The following MYSM1 variants were observed in gnomAD, a reference collection of about 807,000 sequenced individuals.
The protein encoded by MYSM1 is Myb like, SWIRM and MPN domains 1.
A neutral mutation model predicts 116.0 loss-of-function variants in MYSM1; 51 were observed. The observed-to-expected ratio is 0.44, with a 90% CI of 0.35 to 0.56. The LOEUF (loss-of-function observed/expected upper bound fraction) is 0.56, where lower values mean the gene tolerates loss of function less well. MYSM1 is among the 20% of genes least tolerant of loss of function. The pLI is 0.00. For synonymous variants in MYSM1, 313 were observed against 315.2 expected (o/e 0.99, Z 0.07); for missense variants, 900 against 974.9 (o/e 0.92, Z 1.02).
rs1371696880 is a variant in MYSM1 at position 58,661,208 on chromosome 1, T to C, written c.2290A>G (p.Ile764Val). 3 of 1,613,134 alleles carry C rather than the reference T, an allele frequency of 1.9e-6. No homozygotes were observed. Among genetic ancestry groups the C allele is most frequent in the Non-Finnish European group, 2.5e-6 (3 of 1,179,376 alleles). Residue 764 changes from isoleucine (I) to valine (V), a missense_variant, in exon 19 of 20, where the codon ATC becomes GTC. Transcript: ENST00000472487. The part of the protein sequence containing the change: ...LSHSSVPMDK[I>V]FRRDSDLTCL... Reference sequence around the variant, plus strand: ...GTCAGGTCAGAATCCCGGCGAAAGATTTTATCCATGGGGACGCTGCTGTAG... The same window carrying C: ...GTCAGGTCAGAATCCCGGCGAAAGACTTTATCCATGGGGACGCTGCTGTAG...
rs751465382 is a variant in MYSM1, at chr1:58,690,258, C to T, written c.297-9G>A. ...TTGCTGTTTTCTGCAGACTGCATCA[C>T]ATGAAAAAAGAAAATAAGGAAGCGT... On this transcript the variant is annotated splice_polypyrimidine_tract_variant and intron_variant, in intron 4 of 19. Transcript: ENST00000472487. 6.4e-7 allele frequency: 1 copy of T among 1,574,022 alleles called. No individual in the cohort carries two copies. Among genetic ancestry groups the T allele is most frequent in the Non-Finnish European group, 8.6e-7 (1 of 1,163,416 alleles).
chr1:58,672,383 C>A (rs1644576681), intron 11 of MYSM1, among the ~76,000 whole-genome samples: 2 of 152,046 alleles, frequency 1.3e-5, no homozygotes, highest in South Asian at 2.1e-4. Context: ...AGCTTGGTGA[C>A]CCTAGGCAAA....
intron 8 of MYSM1, among the ~76,000 whole-genome samples, chr1:58,680,583 T>C (rs989965414): frequency 2.0e-5 from 3 of 152,156 alleles, no homozygotes; most frequent in African/African-American, 7.2e-5. Flanking sequence ...CAAAGACTTA[T>C]ATTGTGTGGG....
intron 9 of MYSM1, among the ~76,000 whole-genome samples, chr1:58,676,349 G>C (rs543800463): frequency 4.0e-5 from 6 of 150,832 alleles, no homozygotes; most frequent in African/African-American, 1.2e-4. Flanking sequence ...CCGGGAGGCG[G>C]AAGTTGCAGT....
At chr1:58,678,891 G>A (rs1372607560) in intron 8 of MYSM1, among the ~76,000 whole-genome samples, 1 of 152,168 alleles carries the variant, frequency 6.6e-6, no homozygotes, top group Admixed American at 6.5e-5. Context: ...CAAGACTGCA[G>A]ACTCCAATAT....
At chr1:58,693,449 A>G (rs1644929899) in intron 2 of MYSM1, among the ~76,000 whole-genome samples, 1 of 152,196 alleles carries the variant, frequency 6.6e-6, no homozygotes, top group African/African-American at 2.4e-5. Context: ...GGCTTCTAGA[A>G]CTTAACATAT....
intron 3 of MYSM1, among the ~76,000 whole-genome samples, chr1:58,691,023 T>G (rs916279505): frequency 6.6e-6 from 1 of 152,192 alleles, no homozygotes; most frequent in Non-Finnish European, 1.5e-5. Context: ...CTCACACCTG[T>G]AATCCCAGCA....
At chr1:58,661,633 A>G (rs1377955674) in intron 17 of MYSM1, 122 bp from the exon 18 acceptor site, 4 of 583,472 alleles carry the variant, frequency 6.9e-6, no homozygotes, top group East Asian at 5.6e-5. Flanking sequence ...TCAGCTGAAC[A>G]GCACTTTAAA....
intron 8 of MYSM1, among the ~76,000 whole-genome samples, chr1:58,677,535 G>C (rs1375309411): frequency 6.6e-6 from 1 of 151,922 alleles, no homozygotes; most frequent in Non-Finnish European, 1.5e-5. Flanking sequence ...TTTTAATTAT[G>C]ATGACAACAA....
In MYSM1 at chr1:58,655,116, C is replaced by T. The variant is rs1369342836; in HGVS notation, c.*4881G>A. The T allele has an allele frequency of 6.6e-6, 1 of 152,178 alleles. No homozygotes were observed. Among genetic ancestry groups the T allele is most frequent in the Non-Finnish European group, 1.5e-5 (1 of 68,000 alleles). The allele number at this position is 152,178 out of a possible 1,614,324, so 9.4% of individuals were successfully genotyped here. On this transcript the variant is annotated 3_prime_UTR_variant, in exon 20 of 20. Transcript: ENST00000472487. Reference sequence around the variant, plus strand: ...GTAACTAACTTACTTATACACAACACATAATTTACATGTCAAATCCACAAA... The same window carrying T: ...GTAACTAACTTACTTATACACAACATATAATTTACATGTCAAATCCACAAA...
At chr1:58,694,073 C>T (rs1395916191) in intron 2 of MYSM1, among the ~76,000 whole-genome samples, 1 of 152,158 alleles carries the variant, frequency 6.6e-6, no homozygotes, top group Non-Finnish European at 1.5e-5. Context: ...TTTTTCCCAT[C>T]ATTTTCAACT....
rs776249864 is a variant in MYSM1, at chr1:58,692,870, A to C, written c.209T>G (p.Leu70Trp). 4.3e-6 allele frequency: 7 copies of C among 1,609,636 alleles called. No individual in the cohort carries two copies. Among genetic ancestry groups the C allele is most frequent in the Non-Finnish European group, 5.9e-6 (7 of 1,178,296 alleles). Residue 70 changes from leucine (L) to tryptophan (W), a missense_variant, in exon 3 of 20, where the codon TTG becomes TGG. Around this residue, in one of 3 missense-constraint regions of MYSM1, gnomAD observed 622 missense variants for 623.7 expected, o/e 1.00. Coordinates refer to ENST00000472487, the MANE Select transcript of MYSM1 (RefSeq NM_001085487.3). The stretch of plus-strand genomic sequence containing the variant: ...AATCATTAAAGGATACTCTTCTTCC[A>C]ACAACATTTTCTCAATAACAGCTCT... ...ENRAVIEKML[L>W]EEEYYLSKKS... is the part of the protein sequence containing the mutation.
chr1:58,684,072 T>G (rs979140519), intron 7 of MYSM1, among the ~76,000 whole-genome samples: 1 of 152,142 alleles, frequency 6.6e-6, no homozygotes, highest in African/African-American at 2.4e-5. Flanking sequence ...AAAATGCTTC[T>G]GTTTGGTTGA....
chr1:58,666,563 A>G (rs1291144172), intron 16 of MYSM1, among the ~76,000 whole-genome samples: 2 of 138,442 alleles, frequency 1.4e-5, no homozygotes, highest in Non-Finnish European at 3.0e-5. Context: ...CCCCCAGTAT[A>G]TGTATTTTTT....
chr1:58,692,964 T>C, intron 2 of MYSM1, 33 bp from the exon 3 acceptor site: 1 of 1,501,276 alleles, frequency 6.7e-7, no homozygotes, highest in Non-Finnish European at 9.1e-7. Flanking sequence ...TGTCTTTTTA[T>C]TTATTGCTTT....
chr1:58,661,335 G>T (rs1644388566), intron 18 of MYSM1, 71 bp downstream of exon 18: 3 of 1,346,464 alleles, frequency 2.2e-6, no homozygotes, highest in Non-Finnish European at 3.2e-6. Flanking sequence ...TATTTAACTT[G>T]GGTTTTCTCT....
Position 58,655,080 on chromosome 1 carries a change from C to T in MYSM1, c.*4917G>A, listed in dbSNP as rs1644302204. The T allele has an allele frequency of 6.6e-6, 1 of 152,128 alleles. No homozygotes were observed. Among genetic ancestry groups the T allele is most frequent in the South Asian group, 2.1e-4 (1 of 4,832 alleles). 9.4% of individuals were successfully genotyped at this position (152,128 alleles called of 1,614,324 possible). A position where few individuals can be genotyped will look rare whatever the true frequency, so the allele number is the denominator to read the frequency against. On this transcript the variant is annotated 3_prime_UTR_variant, in exon 20 of 20. Coordinates refer to ENST00000472487, the MANE Select transcript of MYSM1 (RefSeq NM_001085487.3). The stretch of plus-strand genomic sequence containing the variant: ...AGCAACAAGTTTATCAATAACCATG[C>T]CATATGTTTAGTAACTAACTTACTT...
intron 2 of MYSM1, among the ~76,000 whole-genome samples, chr1:58,694,753 C>G (rs1557527645): frequency 1.3e-5 from 2 of 152,026 alleles, no homozygotes; most frequent in African/African-American, 2.4e-5. Flanking sequence ...ACTGCAATCT[C>G]AAACTCCTGG....
chr1:58,685,050 A>G, intron 7 of MYSM1, 103 bp downstream of exon 7: 1 of 922,000 alleles, frequency 1.1e-6, no homozygotes, highest in South Asian at 2.1e-5. Context: ...ATACTTTAAA[A>G]ACTTTTACCA....
Sources: gnomAD v4.1 joint callset for allele counts (sites outside exome capture counted in the v4.1 genomes callset) on GRCh38, gnomAD v4.1.1 for gene constraint, gnomAD v4.1.1 regional missense constraint, MANE v1.5 for transcripts, NCBI Gene and HGNC (gene_info 2026-07-23, HGNC 2026-07-21) for gene names.